The following DSTYK variants were observed in gnomAD, a reference collection of about 807,000 sequenced individuals.
DSTYK encodes the protein RIP-homologous kinase.
A neutral mutation model predicts 98.7 loss-of-function variants in DSTYK; 34 were observed. The ratio of observed to expected loss-of-function variants is 0.34; its 90% confidence interval spans 0.26 to 0.46. DSTYK has a LOEUF of 0.46. Among genes scored for constraint, DSTYK ranks in the 20% least tolerant of loss-of-function variants. The probability of loss-of-function intolerance (pLI) is 1.00; values close to 1 mark genes in which losing one functional copy is unlikely to be tolerated. For synonymous variants in DSTYK, 462 were observed against 457.3 expected (o/e 1.01, Z -0.13); for missense variants, 962 against 1,181.7 (o/e 0.81, Z 2.73).
At position 205,145,229 on chromosome 1, in the gene DSTYK, C is replaced by T. The variant is rs1657187544; in HGVS notation, c.*2329G>A. 6.6e-6 allele frequency: 1 copy of T among 152,126 alleles called. No individual in the cohort carries two copies. Among genetic ancestry groups the T allele is most frequent in the African/African-American group, 2.4e-5 (1 of 41,440 alleles). The allele number at this position is 152,126 out of a possible 1,614,324, so 9.4% of individuals were successfully genotyped here. On this transcript the variant is annotated 3_prime_UTR_variant, in exon 13 of 13. Transcript: ENST00000367162. ...TTCTGAGAATATACTGAACATCCTA[C>T]CAAAACAAGGCTAAAGCCTGCAGAG...
chr1:205,168,118 G>A (rs1200405004), intron 3 of DSTYK, among the ~76,000 whole-genome samples: 1 of 152,102 alleles, frequency 6.6e-6, no homozygotes, highest in Non-Finnish European at 1.5e-5. Flanking sequence ...AAAAAAGAAA[G>A]ATTAATCAGT....
At chr1:205,198,462 T>C (rs182603962) in intron 1 of DSTYK, among the ~76,000 whole-genome samples, 58 of 152,304 alleles carry the variant, frequency 3.8e-4, no homozygotes, top group African/African-American at 1.3e-3. Flanking sequence ...GGTTCTTATA[T>C]ACTAAAAAAT....
chr1:205,179,649 T>A (rs947921727), intron 2 of DSTYK, among the ~76,000 whole-genome samples: 2 of 150,392 alleles, frequency 1.3e-5, no homozygotes, highest in Admixed American at 6.6e-5. Flanking sequence ...ATAGACTAGA[T>A]GCTTTCAGGG....
chr1:205,175,217 C>T (rs545866011), intron 2 of DSTYK, among the ~76,000 whole-genome samples: 7 of 152,168 alleles, frequency 4.6e-5, no homozygotes, highest in African/African-American at 1.4e-4. Context: ...TCTCCTGCCT[C>T]AGCCTCCCAT....
chr1:205,184,670 G>A (rs535827571), intron 2 of DSTYK, among the ~76,000 whole-genome samples: 6 of 152,152 alleles, frequency 3.9e-5, no homozygotes, highest in Non-Finnish European at 7.4e-5. Flanking sequence ...CCCAAGTGTT[G>A]TACAGTGCTA....
chr1:205,190,124 T>C (rs942986584), intron 1 of DSTYK, among the ~76,000 whole-genome samples: 4 of 152,124 alleles, frequency 2.6e-5, no homozygotes, highest in South Asian at 2.1e-4. Flanking sequence ...TCCTATTTCA[T>C]CCTCAACACC....
chr1:205,183,038 C>T (rs1403902748), intron 2 of DSTYK, among the ~76,000 whole-genome samples: 2 of 146,288 alleles, frequency 1.4e-5, no homozygotes, highest in African/African-American at 5.1e-5. Context: ...TCTGCTGCTG[C>T]TTCTTCCTTT....
rs1238604590 is a variant in DSTYK at position 205,147,537 on chromosome 1, G to A, written c.*21C>T. On this transcript the variant is annotated 3_prime_UTR_variant, in exon 13 of 13. Transcript: ENST00000367162. ...AGGGGGAAGGAAATAACTAGAGAGTGAAAGAGAAAGGTCTTTGCTTTCAAG... is the reference window on the plus strand; with the variant it reads ...AGGGGGAAGGAAATAACTAGAGAGTAAAAGAGAAAGGTCTTTGCTTTCAAG... 2 of 1,595,694 alleles carry A rather than the reference G, an allele frequency of 1.3e-6. No individual in the cohort carries two copies.
rs1444449108 is a variant in DSTYK at position 205,157,492 on chromosome 1, G to A, written c.2239-106C>T. The A allele has an allele frequency of 7.7e-5, 70 of 904,900 alleles. 1 individual carries two copies. The highest frequency in any genetic ancestry group is 7.6e-4 in the South Asian group (49 of 64,730). 56.1% of individuals were successfully genotyped at this position (904,900 alleles called of 1,614,324 possible). ...GAAAAGTGATTTTTAAAAAGGGGAA[G>A]AGCCGGGCACAGTGGCTCATGCCTG... is the stretch of plus-strand genomic sequence containing the variant. On this transcript the variant is annotated intron_variant, in intron 9 of 12. Coordinates refer to ENST00000367162, the MANE Select transcript of DSTYK (RefSeq NM_015375.3).
rs1657186624 is a variant in DSTYK at position 205,145,190 on chromosome 1, A to G, written c.*2368T>C. On this transcript the variant is annotated 3_prime_UTR_variant, in exon 13 of 13. Coordinates refer to ENST00000367162, the MANE Select transcript of DSTYK (RefSeq NM_015375.3). Reference sequence around the variant, plus strand: ...AATAGAGTACTTGAAGTATAGCTAAATAGGTGGTAAAAATTCTGAGAATAT... The same window carrying G: ...AATAGAGTACTTGAAGTATAGCTAAGTAGGTGGTAAAAATTCTGAGAATAT... 6.6e-6 allele frequency: 1 copy of G among 152,202 alleles called. No homozygotes were observed. The highest frequency in any genetic ancestry group is 1.5e-5 in the Non-Finnish European group (1 of 68,036). 9.4% of individuals were successfully genotyped at this position (152,202 alleles called of 1,614,324 possible). A position where few individuals can be genotyped will look rare whatever the true frequency, so the allele number is the denominator to read the frequency against.
intron 11 of DSTYK, among the ~76,000 whole-genome samples, chr1:205,148,659 T>C (rs1657315089): frequency 6.6e-6 from 1 of 152,114 alleles, no homozygotes; most frequent in East Asian, 1.9e-4. Flanking sequence ...GGAAATAAAG[T>C]TGGAAATACA....
intron 9 of DSTYK, among the ~76,000 whole-genome samples, chr1:205,158,707 T>C (rs1657628536): frequency 6.6e-6 from 1 of 152,210 alleles, no homozygotes; most frequent in African/African-American, 2.4e-5. Context: ...TCCTTCCCCT[T>C]GCTATGGCCT....
chr1:205,159,523 AGCTGGATCTT>A lies in DSTYK; in HGVS notation c.2238+14_2238+23del. Reference sequence around the variant, plus strand: ...AAAGGAACCCGTGGATTTGGCTGCCAGCTGGATCTTGCTCTCTCCTTACCTTCAGCCCTGT... The same window carrying A: ...AAAGGAACCCGTGGATTTGGCTGCCAGCTCTCTCCTTACCTTCAGCCCTGT... On this transcript the variant is annotated intron_variant, in intron 9 of 12. Coordinates refer to ENST00000367162, the MANE Select transcript of DSTYK (RefSeq NM_015375.3). 6.3e-7 allele frequency: 1 copy of A among 1,597,794 alleles called. No individual in the cohort carries two copies. Among genetic ancestry groups the A allele is most frequent in the East Asian group, 2.2e-5 (1 of 44,446 alleles).
chr1:205,204,350 A>C (rs1659138635), intron 1 of DSTYK, among the ~76,000 whole-genome samples: 1 of 152,052 alleles, frequency 6.6e-6, no homozygotes. Flanking sequence ...ACTCGGGCCT[A>C]AATCTGCCTC....
rs1255975778 is a variant in DSTYK at position 205,150,798 on chromosome 1, C to G, written c.2353-4G>C. ...TGGCACGGTTCTGCTTATCCAGCTG[C>G]CAACAAAGCAGGGCAAGAGTCACCT... is the stretch of plus-strand genomic sequence containing the variant. On this transcript the variant is annotated splice_region_variant and splice_polypyrimidine_tract_variant and intron_variant, in intron 10 of 12. Transcript: ENST00000367162. This position sits in a 1 kb window ranked among gnomAD's most constrained non-coding sequence, Gnocchi z 4.1. 6.2e-7 allele frequency: 1 copy of G among 1,613,202 alleles called. No individual in the cohort carries two copies. The highest frequency in any genetic ancestry group is 1.1e-5 in the South Asian group (1 of 91,068).
chr1:205,190,486 C>T (rs575812857), intron 1 of DSTYK, among the ~76,000 whole-genome samples: 4 of 151,884 alleles, frequency 2.6e-5, no homozygotes, highest in East Asian at 3.9e-4. Flanking sequence ...ATCAGCTGGG[C>T]GTGGTGGTAA....
intron 11 of DSTYK, among the ~76,000 whole-genome samples, chr1:205,149,780 A>G (rs1043539919): frequency 3.3e-5 from 5 of 152,170 alleles, no homozygotes; most frequent in Admixed American, 2.0e-4. Flanking sequence ...CTTCTGTGGG[A>G]ATTTCAAACT....
chr1:205,187,365 A>T, intron 2 of DSTYK, 53 bp downstream of exon 2: 1 of 1,520,578 alleles, frequency 6.6e-7, no homozygotes, highest in Non-Finnish European at 8.8e-7. Flanking sequence ...GTCAAAATAA[A>T]AGGAAAGCTG....
At chr1:205,178,845 G>A (rs1658311205) in intron 2 of DSTYK, among the ~76,000 whole-genome samples, 1 of 152,066 alleles carries the variant, frequency 6.6e-6, no homozygotes, top group African/African-American at 2.4e-5. Flanking sequence ...TAAAAGATAG[G>A]AATTATAGGC....
Sources: gnomAD v4.1 joint callset for allele counts (sites outside exome capture counted in the v4.1 genomes callset) on GRCh38, gnomAD v4.1.1 for gene constraint, Gnocchi (gnomAD v3.1) non-coding constraint, MANE v1.5 for transcripts, NCBI Gene and HGNC (gene_info 2026-07-23, HGNC 2026-07-21) for gene names.